EML5: variants seen among roughly 807,000 people sequenced by gnomAD.
EML5 encodes echinoderm microtubule-associated protein-like 5.
A neutral mutation model predicts 250.0 loss-of-function variants in EML5; 120 were observed. That is an observed-to-expected ratio of 0.48 (90% confidence interval 0.41 to 0.56). The LOEUF (loss-of-function observed/expected upper bound fraction) is 0.56, where lower values mean the gene tolerates loss of function less well. EML5 is among the 20% of genes least tolerant of loss of function. The pLI, the probability that EML5 is intolerant of heterozygous loss-of-function variation, is 0.00. For missense variants in EML5, 2,006 were observed against 2,437.6 expected (o/e 0.82, Z 3.73); for synonymous variants, 771 against 806.5 (o/e 0.96, Z 0.75).
intron 3 of EML5, among the ~76,000 whole-genome samples, chr14:88,745,979 C>A (rs2140298111): frequency 6.6e-6 from 1 of 152,192 alleles, no homozygotes; most frequent in East Asian, 1.9e-4. Context: ...CTATACATAT[C>A]AAATCATGTT....
intron 1 of EML5, among the ~76,000 whole-genome samples, chr14:88,757,926 C>T (rs1489114720): frequency 1.3e-5 from 2 of 152,004 alleles, no homozygotes; most frequent in Admixed American, 1.3e-4. Flanking sequence ...TCACCACTCA[C>T]TGCAGCCTCG....
At chr14:88,765,205 G>A (rs1236201051) in intron 1 of EML5, among the ~76,000 whole-genome samples, 1 of 152,190 alleles carries the variant, frequency 6.6e-6, no homozygotes, top group Non-Finnish European at 1.5e-5. Context: ...TGGTTAGTGT[G>A]GCTCAGCTGA....
chr14:88,752,549 G>C (rs1216411068), intron 2 of EML5, among the ~76,000 whole-genome samples: 1 of 152,036 alleles, frequency 6.6e-6, no homozygotes, highest in Non-Finnish European at 1.5e-5. Flanking sequence ...TTCCAAATAA[G>C]AGATTCCAAT....
At position 88,738,950 on chromosome 14, in the gene EML5, A is replaced by G; in HGVS notation, c.776T>C (p.Ile259Thr). Residue 259 changes from isoleucine (I) to threonine (T), a missense_variant, in exon 6 of 44, where the codon ATT (isoleucine) becomes ACT (threonine). Around this residue, in one of 7 missense-constraint regions of EML5, gnomAD observed 1,375 missense variants for 1,590.3 expected, o/e 0.86. Transcript: ENST00000554922. The part of the protein sequence containing the change: ...GFATGGRDGC[I>T]RLWDLTFKPI... ...TTTAAAAGTTAAATCCCAAAGACGA[A>G]TACAACCATCTCTGCCACCAGTAGC... The G allele has an allele frequency of 6.2e-7, 1 of 1,607,420 alleles. No individual in the cohort carries two copies. The highest frequency in any genetic ancestry group is 8.5e-7 in the Non-Finnish European group (1 of 1,177,044).
chr14:88,768,204 T>C (rs1165254616), intron 1 of EML5, among the ~76,000 whole-genome samples: 1 of 152,188 alleles, frequency 6.6e-6, no homozygotes, highest in Non-Finnish European at 1.5e-5. Flanking sequence ...ATATTACTGA[T>C]GATGTTTACC....
intron 7 of EML5, among the ~76,000 whole-genome samples, chr14:88,730,533 A>G (rs1211914308): frequency 6.6e-6 from 1 of 152,218 alleles, no homozygotes; most frequent in Non-Finnish European, 1.5e-5. Context: ...AGTTGCTCCA[A>G]AAGTTGAGAA....
At chr14:88,722,141 T>G (rs943875321) in intron 8 of EML5, among the ~76,000 whole-genome samples, 3 of 152,152 alleles carry the variant, frequency 2.0e-5, no homozygotes, top group African/African-American at 7.2e-5. Context: ...TGAAGAGAAA[T>G]AGGAATGCTT....
At chr14:88,701,987 T>A (rs2093220872) in intron 14 of EML5, among the ~76,000 whole-genome samples, 2 of 152,170 alleles carry the variant, frequency 1.3e-5, no homozygotes, top group African/African-American at 4.8e-5. Context: ...TTCTCAGGGT[T>A]TTTTATTTCA....
intron 21 of EML5, among the ~76,000 whole-genome samples, chr14:88,676,970 T>C (rs1419900044): frequency 6.6e-6 from 1 of 152,228 alleles, no homozygotes; most frequent in Non-Finnish European, 1.5e-5. Context: ...AGTGGCACAA[T>C]CTTGGCTCAC....
intron 7 of EML5, among the ~76,000 whole-genome samples, chr14:88,728,194 T>C (rs2093695597): frequency 3.0e-5 from 3 of 98,576 alleles, no homozygotes; most frequent in African/African-American, 1.8e-4. Context: ...ACTGAACATG[T>C]ACAGACTTTT....
rs1344948381 is a variant in EML5, at chr14:88,616,300, C to T, written c.5797-58G>A. ...TTGGTGCACACAGAAGTCAAAGGCT[C>T]TTATTAGGAACTATAATCTCTATGA... On this transcript the variant is annotated intron_variant, in intron 42 of 43. Transcript: ENST00000554922. The T allele has an allele frequency of 1.1e-5, 16 of 1,495,598 alleles. No homozygotes were observed. The East Asian group carries it at 3.4e-4, about 32-fold the overall frequency. 92.6% of individuals were successfully genotyped at this position (1,495,598 alleles called of 1,614,324 possible). A position where few individuals can be genotyped will look rare whatever the true frequency, so the allele number is the denominator to read the frequency against.
chr14:88,643,385 CAAT>C, intron 30 of EML5, among the ~76,000 whole-genome samples: 1 of 151,576 alleles, frequency 6.6e-6, no homozygotes, highest in East Asian at 1.9e-4. Flanking sequence ...GGGAAAAAAA[CAAT>C]AAAAAATAAC....
chr14:88,689,507 A>G (rs1379790825), intron 17 of EML5, among the ~76,000 whole-genome samples: 2 of 152,214 alleles, frequency 1.3e-5, no homozygotes, highest in African/African-American at 4.8e-5. Flanking sequence ...ATCATTACCT[A>G]TTGATATCTC....
At chr14:88,690,098 G>A (rs958029885) in intron 17 of EML5, among the ~76,000 whole-genome samples, 3 of 152,152 alleles carry the variant, frequency 2.0e-5, no homozygotes, top group South Asian at 2.1e-4. Context: ...CAAAGGCCCC[G>A]ATACAACAAC....
chr14:88,621,418 C>CTAG (rs1273149904), intron 37 of EML5, 117 bp from the exon 38 acceptor site: 3 of 1,210,566 alleles, frequency 2.5e-6, no homozygotes. Context: ...TTGAGCTAAT[C>CTAG]TAGTAGCAAG....
At chr14:88,754,745 TAAAAC>T in intron 1 of EML5, 74 bp from the exon 2 acceptor site, 9 of 1,215,288 alleles carry the variant, frequency 7.4e-6, no homozygotes, top group Non-Finnish European at 1.1e-5. Flanking sequence ...TTGGTAGATG[TAAAAC>T]ACATATACCA....
rs2093314779 is a variant in EML5, at chr14:88,706,188, A to G, written c.1825+71T>C. ...ATGAGGCCAGATTATACTTTAATAT[A>G]AAATTGTTATTTGGGGGTTACTGAA... On this transcript the variant is annotated intron_variant, in intron 11 of 43. Transcript: ENST00000554922. 30 of 1,393,398 alleles carry G rather than the reference A, an allele frequency of 2.2e-5. No homozygotes were observed. The South Asian group carries it at 4.7e-4, about 22-fold the overall frequency. The allele number at this position is 1,393,398 out of a possible 1,614,324, so 86.3% of individuals were successfully genotyped here. A position where few individuals can be genotyped will look rare whatever the true frequency, so the allele number is the denominator to read the frequency against.
In EML5 at chr14:88,740,566, T is replaced by C; in HGVS notation, c.532A>G (p.Ser178Gly). Residue 178 changes from serine to glycine, a missense_variant, in exon 5 of 44, where the codon AGT becomes GGT. Ser to Gly is a moderately conservative substitution (Grantham distance 56). Transcript: ENST00000554922. ...SCGVKHIKFW[S>G]LCGNALTPKR... ...GGGGTCAGAGCATTTCCACATAAAC[T>C]CCAGAACTAAAAGGTATATAGTATA... The C allele has an allele frequency of 6.2e-7, 1 of 1,605,960 alleles. No individual in the cohort carries two copies. Among genetic ancestry groups the C allele is most frequent in the Non-Finnish European group, 8.5e-7 (1 of 1,176,902 alleles).
In EML5 at chr14:88,649,934, A is replaced by G; in HGVS notation, c.4005-8T>C. 1 of 1,492,062 alleles carries G rather than the reference A, an allele frequency of 6.7e-7. No individual in the cohort carries two copies. Among genetic ancestry groups the G allele is most frequent in the Non-Finnish European group, 8.9e-7 (1 of 1,121,846 alleles). The allele number at this position is 1,492,062 out of a possible 1,614,324, so 92.4% of individuals were successfully genotyped here. ...TACCTTACTACTCCCTGCCTTCAAA[A>G]GGAGCAAGGGGGAAAAAAGTAGGAA... On this transcript the variant is annotated splice_region_variant and splice_polypyrimidine_tract_variant and intron_variant, in intron 27 of 43. Transcript: ENST00000554922.
Sources: allele counts gnomAD v4.1 joint callset (sites outside exome capture counted in the v4.1 genomes callset), GRCh38; gene constraint gnomAD v4.1.1; regional missense constraint gnomAD v4.1.1; transcripts MANE v1.5; gene names NCBI Gene and HGNC (gene_info 2026-07-23, HGNC 2026-07-21).